The following DOCK7 variants were observed in gnomAD, a reference collection of about 807,000 sequenced individuals.
DOCK7 encodes dedicator of cytokinesis 7.
DOCK7 carries 138 observed loss-of-function variants against 271.0 expected under a neutral mutation model. That is an observed-to-expected ratio of 0.51 (90% confidence interval 0.44 to 0.59). The LOEUF is 0.59. DOCK7 is among the 20% of genes least tolerant of loss of function. The pLI is 0.00. For missense variants in DOCK7, 2,066 were observed against 2,592.4 expected (o/e 0.80, Z 4.41); for synonymous variants, 823 against 876.1 (o/e 0.94, Z 1.07).
At chr1:62,546,265 T>TA (rs1418860021) in intron 22 of DOCK7, among the ~76,000 whole-genome samples, 1 of 152,136 alleles carries the variant, frequency 6.6e-6, no homozygotes, top group African/African-American at 2.4e-5. Flanking sequence ...CAGTATTTTT[T>TA]AAATACTTCA....
chr1:62,476,989 T>C (rs1166634784), intron 44 of DOCK7: 3 of 152,202 alleles, frequency 2.0e-5, no homozygotes, highest in Non-Finnish European at 4.4e-5. Context: ...ACTACTTCTC[T>C]TTGTGAATAC....
chr1:62,571,887 C>A (rs1478999072), intron 18 of DOCK7, among the ~76,000 whole-genome samples: 2 of 152,056 alleles, frequency 1.3e-5, no homozygotes, highest in Non-Finnish European at 2.9e-5. Context: ...AAACAATACA[C>A]ACTGGGGCCT....
intron 43 of DOCK7, chr1:62,479,742 G>T: frequency 2.6e-6 from 1 of 384,096 alleles, no homozygotes; most frequent in Non-Finnish European, 5.4e-6. Context: ...GGAATACAGT[G>T]GTGCAACCAC....
chr1:62,630,924 T>A (rs1280505634), intron 11 of DOCK7, among the ~76,000 whole-genome samples: 1 of 151,918 alleles, frequency 6.6e-6, no homozygotes, highest in African/African-American at 2.4e-5. Context: ...GTGGCTCACA[T>A]CTATAATCCC....
At chr1:62,630,489 G>A (rs377068558) in intron 11 of DOCK7, among the ~76,000 whole-genome samples, 5 of 152,094 alleles carry the variant, frequency 3.3e-5, no homozygotes, top group African/African-American at 9.6e-5. Context: ...TGGACAGGAC[G>A]CTATTCCATC....
chr1:62,588,238 G>C (rs1022024055), intron 14 of DOCK7, among the ~76,000 whole-genome samples: 5 of 152,162 alleles, frequency 3.3e-5, no homozygotes, highest in African/African-American at 1.2e-4. Flanking sequence ...GTCAGGCATT[G>C]TGTTGGGCAC....
At chr1:62,522,290 G>A (rs896926018) in intron 31 of DOCK7, among the ~76,000 whole-genome samples, 1 of 152,030 alleles carries the variant, frequency 6.6e-6, no homozygotes, top group African/African-American at 2.4e-5. Context: ...AGGAACATAC[G>A]TATACAAATC....
At position 62,688,253 on chromosome 1, in the gene DOCK7, G is replaced by T; in HGVS notation, c.12C>A (p.Arg4=). MAE[R]RAFAQKISRT... ...TGCTGATCTTCTGGGCGAAGGCGCG[G>T]CGCTCGGCCATGGCTGCTGCGGCGA... is the stretch of plus-strand genomic sequence containing the variant. Residue 4 remains arginine, a synonymous_variant, in exon 1 of 50, where the codon CGC becomes CGA. Transcript: ENST00000635253. The T allele has an allele frequency of 7.3e-7, 1 of 1,364,010 alleles. No individual in the cohort carries two copies. 84.5% of individuals were successfully genotyped at this position (1,364,010 alleles called of 1,614,324 possible).
At chr1:62,468,341 A>G (rs1369191482) in intron 48 of DOCK7, among the ~76,000 whole-genome samples, 1 of 146,856 alleles carries the variant, frequency 6.8e-6, no homozygotes, top group Non-Finnish European at 1.5e-5. Flanking sequence ...GGCCTGGGCA[A>G]CAGAGCGAGA....
chr1:62,659,782 A>G (rs1455480580), intron 2 of DOCK7, among the ~76,000 whole-genome samples: 4 of 152,262 alleles, frequency 2.6e-5, no homozygotes, highest in East Asian at 3.9e-4. Context: ...CACAGACTTC[A>G]GAGCAAAGAA....
chr1:62,458,152 C>T (rs990016327), intron 48 of DOCK7: 5 of 116,582 alleles, frequency 4.3e-5, no homozygotes, highest in Non-Finnish European at 8.7e-5. Flanking sequence ...CTGTCTCAAA[C>T]GTGGGTGTGT....
intron 4 of DOCK7, among the ~76,000 whole-genome samples, chr1:62,652,394 T>C (rs1362958851): frequency 6.6e-6 from 1 of 152,102 alleles, no homozygotes; most frequent in Non-Finnish European, 1.5e-5. Context: ...ATATCTAGTA[T>C]AATAGAAAAA....
chr1:62,677,945 T>C (rs933107292), intron 1 of DOCK7, among the ~76,000 whole-genome samples: 9 of 151,310 alleles, frequency 5.9e-5, no homozygotes, highest in African/African-American at 1.9e-4. Flanking sequence ...CTGGGCAACA[T>C]AGCAAGACCC....
intron 5 of DOCK7, 39 bp from the exon 6 acceptor site, chr1:62,648,357 T>G (rs950705366): frequency 9.1e-6 from 13 of 1,427,822 alleles, no homozygotes; most frequent in Non-Finnish European, 1.2e-5. Context: ...TATTAATTAA[T>G]AAATTGACAA....
chr1:62,646,523 C>G (rs1367667471), intron 7 of DOCK7, among the ~76,000 whole-genome samples: 1 of 152,056 alleles, frequency 6.6e-6, no homozygotes, highest in African/African-American at 2.4e-5. Context: ...GAACTGGTAT[C>G]CTTATAAGAA....
intron 2 of DOCK7, among the ~76,000 whole-genome samples, chr1:62,658,598 G>C (rs1476370047): frequency 1.3e-5 from 2 of 152,128 alleles, no homozygotes; most frequent in Non-Finnish European, 2.9e-5. Context: ...CATTTTTCAA[G>C]TGCTGAAAGA....
chr1:62,475,600 T>C, intron 46 of DOCK7, 107 bp downstream of exon 46: 5 of 1,155,646 alleles, frequency 4.3e-6, no homozygotes, highest in Non-Finnish European at 6.2e-6. Context: ...AGTTCTAATA[T>C]GTTATGGTAT....
At chr1:62,665,714 CAAAAAAAAAA>C (rs59439795) in intron 1 of DOCK7, among the ~76,000 whole-genome samples, 8 of 43,094 alleles carry the variant, frequency 1.9e-4, no homozygotes, top group Non-Finnish European at 2.9e-4. Context: ...GACTCCATCT[CAAAAAAAAAA>C]AAAAAAAAAA....
intron 10 of DOCK7, among the ~76,000 whole-genome samples, chr1:62,631,759 A>C (rs1433928029): frequency 1.3e-5 from 2 of 152,132 alleles, no homozygotes; most frequent in Non-Finnish European, 2.9e-5. Context: ...TTCTAGTTAT[A>C]ATTTGTTAAA....
Sources: gnomAD v4.1 joint callset for allele counts (sites outside exome capture counted in the v4.1 genomes callset) on GRCh38, gnomAD v4.1.1 for gene constraint, MANE v1.5 for transcripts, NCBI Gene and HGNC (gene_info 2026-07-23, HGNC 2026-07-21) for gene names.